The following SLIT3 variants were observed in gnomAD, a reference collection of about 807,000 sequenced individuals.
SLIT3 encodes the protein slit guidance ligand 3, also known as slit homolog 3 protein.
In SLIT3, 68 loss-of-function variants were observed where a neutral mutation model predicts 184.0. That is an observed-to-expected ratio of 0.37 (90% CI 0.30 to 0.45). SLIT3 has a LOEUF of 0.45. Among genes scored for constraint, SLIT3 ranks in the 20% least tolerant of loss-of-function variants. The pLI, the probability that SLIT3 is intolerant of heterozygous loss-of-function variation, is 1.00. For synonymous variants in SLIT3, 831 were observed against 828.6 expected (o/e 1.00, Z -0.05); for missense variants, 1,707 against 2,026.0 (o/e 0.84, Z 3.02).
At chr5:169,168,915 A>T (rs1762727406) in intron 4 of SLIT3, among the ~76,000 whole-genome samples, 1 of 152,166 alleles carries the variant, frequency 6.6e-6, no homozygotes, top group Admixed American at 6.5e-5. Flanking sequence ...GGGACAACAG[A>T]CTGGGGACCA....
intron 4 of SLIT3, among the ~76,000 whole-genome samples, chr5:169,123,494 A>T (rs1166859179): frequency 6.6e-6 from 1 of 152,148 alleles, no homozygotes; most frequent in Admixed American, 6.5e-5. Flanking sequence ...AAAAGCGCAA[A>T]CCATAGCCAA....
intron 6 of SLIT3, among the ~76,000 whole-genome samples, chr5:168,824,499 T>C (rs958279545): frequency 6.6e-6 from 1 of 152,204 alleles, no homozygotes; most frequent in African/African-American, 2.4e-5. Flanking sequence ...AGGGAAAGCA[T>C]GGCACCTAAG....
At chr5:168,897,643 CACGT>C (rs1760715689) in intron 4 of SLIT3, among the ~76,000 whole-genome samples, 1 of 56,804 alleles carries the variant, frequency 1.8e-5, no homozygotes, top group Admixed American at 2.8e-4. Context: ...GAGACAGGTG[CACGT>C]ACACACACAC....
Position 169,300,577 on chromosome 5 carries a change from C to G in SLIT3, c.133G>C (p.Val45Leu). Residue 45 changes from valine (V) to leucine (L), a missense_variant, in exon 1 of 36, where the codon GTG becomes CTG. Physicochemically the swap from Val to Leu is conservative, Grantham distance 32. This residue lies in a region of SLIT3 where 1,307 missense variants were observed against 1,511.6 expected (regional missense o/e 0.86). Coordinates refer to ENST00000519560, the MANE Select transcript of SLIT3 (RefSeq NM_003062.4). This position sits in a 1 kb window ranked among gnomAD's most constrained non-coding sequence, Gnocchi z 4.1. The stretch of plus-strand genomic sequence containing the variant: ...CGGAGGCCCAGCCCGTGGCAGTCCA[C>G]GCTGGCAGCGGAGCAGGTACACTTG... ...PTKCTCSAAS[V>L]DCHGLGLRAV... 6.6e-7 allele frequency: 1 copy of G among 1,513,084 alleles called. No individual in the cohort carries two copies. Among genetic ancestry groups the G allele is most frequent in the South Asian group, 1.2e-5 (1 of 81,470 alleles). 93.7% of individuals were successfully genotyped at this position (1,513,084 alleles called of 1,614,324 possible).
chr5:169,075,079 C>G (rs972559526), intron 4 of SLIT3, among the ~76,000 whole-genome samples: 1 of 152,030 alleles, frequency 6.6e-6, no homozygotes, highest in Non-Finnish European at 1.5e-5. Flanking sequence ...GAAGGAGAGT[C>G]AGATATAAAC....
intron 4 of SLIT3, among the ~76,000 whole-genome samples, chr5:169,090,814 T>G (rs1338157988): frequency 6.6e-6 from 1 of 152,192 alleles, no homozygotes; most frequent in Non-Finnish European, 1.5e-5. Flanking sequence ...GGGAACAAAT[T>G]CTCTGCTAGA....
chr5:169,186,772 G>C (rs1324750638), intron 4 of SLIT3, among the ~76,000 whole-genome samples: 1 of 152,224 alleles, frequency 6.6e-6, no homozygotes, highest in Non-Finnish European at 1.5e-5. Flanking sequence ...TAGCCAAGAT[G>C]AGAGTTCAGA....
intron 32 of SLIT3, among the ~76,000 whole-genome samples, chr5:168,678,637 C>A (rs756520465): frequency 1.3e-5 from 2 of 151,914 alleles, no homozygotes; most frequent in African/African-American, 2.4e-5. Flanking sequence ...GAGCCAAGAT[C>A]GCGCTACTGC....
At chr5:168,692,789 C>T in intron 28 of SLIT3, 89 bp from the exon 29 acceptor site, 1 of 917,226 alleles carries the variant, frequency 1.1e-6, no homozygotes, top group South Asian at 1.5e-5. Context: ...GATATCCTGG[C>T]CAGAAGATCA....
intron 4 of SLIT3, among the ~76,000 whole-genome samples, chr5:168,947,823 G>A (rs1397338284): frequency 6.6e-6 from 1 of 152,108 alleles, no homozygotes; most frequent in South Asian, 2.1e-4. Flanking sequence ...GTCTTGCTAT[G>A]TCACTCAGGC....
chr5:169,196,153 C>T (rs1284839988), intron 3 of SLIT3, among the ~76,000 whole-genome samples: 1 of 107,772 alleles, frequency 9.3e-6, no homozygotes, highest in African/African-American at 3.4e-5. Flanking sequence ...GTTCCCATCA[C>T]TAAAGTAGAA....
intron 31 of SLIT3, 39 bp from the exon 32 acceptor site, chr5:168,684,135 C>G: frequency 3.3e-6 from 5 of 1,524,788 alleles, no homozygotes; most frequent in Non-Finnish European, 3.5e-6. Context: ...AAGGGCTTAC[C>G]TGAGACTGAA....
intron 1 of SLIT3, among the ~76,000 whole-genome samples, chr5:169,272,343 C>A (rs1581126582): frequency 6.6e-6 from 1 of 152,374 alleles, no homozygotes; most frequent in Middle Eastern, 3.4e-3. Context: ...GGCATGCAGT[C>A]CCTAGTTCAT....
At chr5:168,949,876 G>A (rs1320879702) in intron 4 of SLIT3, among the ~76,000 whole-genome samples, 1 of 152,212 alleles carries the variant, frequency 6.6e-6, no homozygotes, top group African/African-American at 2.4e-5. Flanking sequence ...ACAGGTGTGA[G>A]CCACCATGCC....
chr5:168,919,212 A>G (rs988469667), intron 4 of SLIT3, among the ~76,000 whole-genome samples: 2 of 151,130 alleles, frequency 1.3e-5, no homozygotes, highest in Non-Finnish European at 2.9e-5. Context: ...GTGAGCCGAG[A>G]TCGCGCCACT....
At chr5:169,097,425 G>A (rs1429692276) in intron 4 of SLIT3, among the ~76,000 whole-genome samples, 1 of 152,036 alleles carries the variant, frequency 6.6e-6, no homozygotes, top group African/African-American at 2.4e-5. Context: ...GAGGAAGAAA[G>A]GTAGAAGGTG....
intron 20 of SLIT3, among the ~76,000 whole-genome samples, chr5:168,735,465 G>A (rs1303743895): frequency 1.3e-5 from 2 of 152,156 alleles, no homozygotes; most frequent in Non-Finnish European, 2.9e-5. Context: ...TAAGAGCTGT[G>A]TGACCCTGGG....
At chr5:169,018,103 C>T (rs900384769) in intron 4 of SLIT3, among the ~76,000 whole-genome samples, 8 of 152,218 alleles carry the variant, frequency 5.3e-5, no homozygotes, top group Non-Finnish European at 1.2e-4. Context: ...ATACTGTCTG[C>T]GTCAGAATCA....
intron 4 of SLIT3, among the ~76,000 whole-genome samples, chr5:169,088,806 G>A (rs1001379606): frequency 7.2e-5 from 11 of 151,798 alleles, no homozygotes; most frequent in Non-Finnish European, 1.5e-4. Context: ...GATCACCTGA[G>A]GCCAGGAGTT....
Sources: gnomAD v4.1 joint callset for allele counts (sites outside exome capture counted in the v4.1 genomes callset) on GRCh38, gnomAD v4.1.1 for gene constraint, gnomAD v4.1.1 regional missense constraint, Gnocchi (gnomAD v3.1) non-coding constraint, MANE v1.5 for transcripts, NCBI Gene and HGNC (gene_info 2026-07-23, HGNC 2026-07-21) for gene names.